The following MAST2 variants were observed in gnomAD, a reference collection of about 807,000 sequenced individuals.
MAST2 encodes microtubule-associated serine/threonine-protein kinase 2.
Under a neutral mutation model 147.4 loss-of-function variants are expected in MAST2, and 70 were observed. The observed-to-expected ratio is 0.47, with a 90% CI of 0.39 to 0.58. MAST2 has a LOEUF of 0.58. Ranked by LOEUF, MAST2 falls within the 20% of genes least tolerant of loss-of-function variation. The pLI is 0.00. For synonymous variants in MAST2, 869 were observed against 896.8 expected (o/e 0.97, Z 0.55); for missense variants, 2,080 against 2,302.3 (o/e 0.90, Z 1.98).
intron 4 of MAST2, among the ~76,000 whole-genome samples, chr1:45,948,435 C>T (rs61785584): frequency 0.28 from 43,168 of 151,842 alleles, 6,267 homozygotes; most frequent in South Asian, 0.39. Context: ...GGGCCGGGTG[C>T]GGTGGCTCAC....
chr1:45,868,295 G>A (rs1646243165), intron 3 of MAST2, among the ~76,000 whole-genome samples: 1 of 152,150 alleles, frequency 6.6e-6, no homozygotes, highest in African/African-American at 2.4e-5. Flanking sequence ...TCAACTTTAT[G>A]GGGGATGATT....
At chr1:45,955,944 T>C (rs887336469) in intron 4 of MAST2, among the ~76,000 whole-genome samples, 6 of 152,226 alleles carry the variant, frequency 3.9e-5, no homozygotes, top group African/African-American at 1.4e-4. Context: ...ATTGTATGAC[T>C]GTGATAATGA....
chr1:46,003,062 C>G (rs1015180152), intron 7 of MAST2, among the ~76,000 whole-genome samples, 179 bp downstream of exon 7: 4 of 152,160 alleles, frequency 2.6e-5, no homozygotes, highest in African/African-American at 9.7e-5. Context: ...ATAGCCAGCT[C>G]CATAAGTGCC....
intron 1 of MAST2, among the ~76,000 whole-genome samples, chr1:45,822,416 CT>C (rs766765484): frequency 1.8e-4 from 27 of 152,036 alleles, no homozygotes; most frequent in Non-Finnish European, 3.7e-4. Flanking sequence ...GTGATCCTCT[CT>C]TTCTTTTCTC....
intron 26 of MAST2, 94 bp from the exon 27 acceptor site, chr1:46,033,708 T>C (rs998525896): frequency 6.4e-5 from 95 of 1,488,646 alleles, no homozygotes; most frequent in Non-Finnish European, 7.9e-5. Flanking sequence ...AAGCTGGAGC[T>C]GTGGTATAGC....
At chr1:45,980,684 A>G (rs537677835) in intron 5 of MAST2, among the ~76,000 whole-genome samples, 3 of 152,040 alleles carry the variant, frequency 2.0e-5, no homozygotes, top group African/African-American at 7.2e-5. Context: ...ACATGTGCGC[A>G]CCACTATGCC....
intron 3 of MAST2, among the ~76,000 whole-genome samples, chr1:45,863,162 A>G (rs1646035190): frequency 6.6e-6 from 1 of 152,154 alleles, no homozygotes; most frequent in Non-Finnish European, 1.5e-5. Context: ...AGCTTCTCAG[A>G]ATGCATCTTT....
intron 5 of MAST2, among the ~76,000 whole-genome samples, chr1:45,960,143 G>T (rs534358904): frequency 1.3e-5 from 2 of 152,130 alleles, no homozygotes; most frequent in Admixed American, 6.5e-5. Flanking sequence ...GATTCAGGCT[G>T]CTCTAGCCCT....
At chr1:45,898,422 TGTTG>T (rs1197547676) in intron 4 of MAST2, among the ~76,000 whole-genome samples, 1 of 152,236 alleles carries the variant, frequency 6.6e-6, no homozygotes, top group Non-Finnish European at 1.5e-5. Flanking sequence ...CTCTGTCCAT[TGTTG>T]GACATTATGG....
chr1:45,964,610 C>A (rs1660903009), intron 5 of MAST2, among the ~76,000 whole-genome samples: 1 of 151,960 alleles, frequency 6.6e-6, no homozygotes, highest in African/African-American at 2.4e-5. Context: ...TCTCTCTTTT[C>A]TTCTTTATTA....
In MAST2 at chr1:46,029,509, C is replaced by A. The variant is rs761653513; in HGVS notation, c.2262C>A (p.Asp754Glu). 1 of 1,614,014 alleles carries A rather than the reference C, an allele frequency of 6.2e-7. No homozygotes were observed. Among genetic ancestry groups the A allele is most frequent in the African/African-American group, 1.3e-5 (1 of 74,902 alleles). ...AGGGTGATGAGGCACTGCCCCCAGA[C>A]GCCCAGGACCTCACCTCCAAACTGC... ...WPEGDEALPP[D>E]AQDLTSKLLH... The change falls in exon 19 of 29, where the codon GAC becomes GAA. Residue 754 changes from aspartate (D) to glutamate (E), a missense_variant. Physicochemically the swap from Asp to Glu is conservative, Grantham distance 45. Coordinates refer to ENST00000361297, the MANE Select transcript of MAST2 (RefSeq NM_015112.3).
At chr1:45,820,452 G>C (rs1246432404) in intron 1 of MAST2, among the ~76,000 whole-genome samples, 1 of 152,140 alleles carries the variant, frequency 6.6e-6, no homozygotes, top group Non-Finnish European at 1.5e-5. Context: ...TAACAGTCTA[G>C]TTTGAAATGG....
chr1:46,007,284 A>G (rs1349636456), intron 8 of MAST2, among the ~76,000 whole-genome samples: 1 of 152,160 alleles, frequency 6.6e-6, no homozygotes, highest in Non-Finnish European at 1.5e-5. Flanking sequence ...CTGGCACTGC[A>G]CCAGGAGTGA....
At chr1:45,831,697 C>T (rs1452947252) in intron 3 of MAST2, among the ~76,000 whole-genome samples, 1 of 151,980 alleles carries the variant, frequency 6.6e-6, no homozygotes, top group Non-Finnish European at 1.5e-5. Context: ...AATTACGATA[C>T]CTCATCCTTA....
At chr1:45,866,088 A>T (rs1390057427) in intron 3 of MAST2, among the ~76,000 whole-genome samples, 1 of 152,184 alleles carries the variant, frequency 6.6e-6, no homozygotes, top group Non-Finnish European at 1.5e-5. Context: ...GTTTCTTTAA[A>T]GTTCTCAGGT....
intron 5 of MAST2, among the ~76,000 whole-genome samples, chr1:45,972,302 T>C (rs1259435011): frequency 6.6e-6 from 1 of 152,202 alleles, no homozygotes; most frequent in Admixed American, 6.5e-5. Context: ...CATCCTGTGG[T>C]GGGCAGATAC....
chr1:45,978,081 C>CA (rs1191742226), intron 5 of MAST2, among the ~76,000 whole-genome samples: 7 of 151,576 alleles, frequency 4.6e-5, no homozygotes, highest in African/African-American at 9.7e-5. Flanking sequence ...AAAAACCACA[C>CA]AAAAAAACCT....
chr1:46,027,630 A>G (rs1646469142), intron 16 of MAST2, 101 bp from the exon 17 acceptor site: 4 of 1,261,566 alleles, frequency 3.2e-6, no homozygotes, highest in South Asian at 2.9e-5. Context: ...GTCTCACAGT[A>G]CCCCCATGGA....
chr1:46,023,517 A>G lies in MAST2; in HGVS notation c.1571+199A>G, dbSNP rs1164756024. On this transcript the variant is annotated intron_variant, in intron 14 of 28. Transcript: ENST00000361297. The surrounding 1 kb of genome is among the most constrained non-coding windows in gnomAD (Gnocchi z 4.9). ...TGTTCCTTTCCCAGACAAGATTCCC[A>G]CGCCTCTTACTACCACGCATCCTCC... 3.2e-6 allele frequency: 2 copies of G among 624,836 alleles called. No individual in the cohort carries two copies. Among genetic ancestry groups the G allele is most frequent in the Non-Finnish European group, 5.7e-6 (2 of 350,976 alleles). 38.7% of individuals were successfully genotyped at this position (624,836 alleles called of 1,614,324 possible). A position where few individuals can be genotyped will look rare whatever the true frequency, so the allele number is the denominator to read the frequency against.
Sources: allele counts gnomAD v4.1 joint callset (sites outside exome capture counted in the v4.1 genomes callset), GRCh38; gene constraint gnomAD v4.1.1; non-coding constraint Gnocchi (gnomAD v3.1); transcripts MANE v1.5; gene names NCBI Gene and HGNC (gene_info 2026-07-23, HGNC 2026-07-21).